The following NCK2 variants were observed in gnomAD, a reference collection of about 807,000 sequenced individuals.
NCK2 encodes NCK adaptor protein 2.
Under a neutral mutation model 33.9 loss-of-function variants are expected in NCK2, and 16 were observed. The ratio of observed to expected loss-of-function variants is 0.47; its 90% CI spans 0.32 to 0.72. NCK2 has a LOEUF of 0.72. NCK2 is among the 30% of genes least tolerant of loss of function. NCK2 has a pLI of 0.03. For missense variants in NCK2, 418 were observed against 537.3 expected (o/e 0.78, Z 2.19); for synonymous variants, 273 against 239.9 (o/e 1.14, Z -1.27).
chr2:105,841,052 C>G (rs780024419), intron 2 of NCK2, among the ~76,000 whole-genome samples: 36 of 152,186 alleles, frequency 2.4e-4, no homozygotes, highest in Non-Finnish European at 4.3e-4. Context: ...GTGTGGATTA[C>G]AAGCTTATCT....
At chr2:105,782,327 T>C (rs1352791856) in intron 1 of NCK2, among the ~76,000 whole-genome samples, 1 of 152,168 alleles carries the variant, frequency 6.6e-6, no homozygotes, top group Non-Finnish European at 1.5e-5. Context: ...CCCATGGGGA[T>C]TAGTGATCTG....
chr2:105,824,609 C>T (rs1000708085), intron 2 of NCK2, among the ~76,000 whole-genome samples: 6 of 152,148 alleles, frequency 3.9e-5, no homozygotes, highest in Middle Eastern at 3.4e-3. Context: ...TTTTCCCAGT[C>T]GTTAAGTACC....
At chr2:105,820,604 A>G (rs1573631472) in intron 2 of NCK2, among the ~76,000 whole-genome samples, 1 of 152,190 alleles carries the variant, frequency 6.6e-6, no homozygotes, top group East Asian at 1.9e-4. Context: ...CGGAGACCAT[A>G]GGAAGAGCCA....
chr2:105,853,119 T>A (rs1030477379), intron 2 of NCK2, among the ~76,000 whole-genome samples: 5 of 152,146 alleles, frequency 3.3e-5, no homozygotes, highest in African/African-American at 1.2e-4. Context: ...AATGAGAACT[T>A]CTCTGTCAGG....
chr2:105,842,940 C>T (rs1183738686), intron 2 of NCK2, among the ~76,000 whole-genome samples: 2 of 152,026 alleles, frequency 1.3e-5, no homozygotes, highest in Non-Finnish European at 2.9e-5. Context: ...GAGGGACAGT[C>T]TAGTGGAGAT....
chr2:105,871,839 C>T (rs1678023727), intron 3 of NCK2, among the ~76,000 whole-genome samples: 1 of 152,080 alleles, frequency 6.6e-6, no homozygotes, highest in African/African-American at 2.4e-5. Context: ...TAAAAAGTTT[C>T]CTGGGTCAAC....
intron 2 of NCK2, among the ~76,000 whole-genome samples, chr2:105,824,502 G>A (rs762113310): frequency 9.9e-5 from 15 of 152,226 alleles, no homozygotes; most frequent in Non-Finnish European, 2.1e-4. Context: ...CCTGGAGTCT[G>A]GGTCTGGTAC....
chr2:105,815,640 T>G (rs935352930), intron 1 of NCK2, among the ~76,000 whole-genome samples: 1 of 152,172 alleles, frequency 6.6e-6, no homozygotes. Context: ...GTCAGGTGCC[T>G]CTCATCTTAA....
intron 4 of NCK2, among the ~76,000 whole-genome samples, chr2:105,889,166 C>T (rs553976867): frequency 1.8e-3 from 279 of 152,328 alleles, no homozygotes; most frequent in Non-Finnish European, 3.0e-3. Flanking sequence ...ACTCCATCTC[C>T]ATCAGATGCA....
At chr2:105,837,168 A>G (rs1676465930) in intron 2 of NCK2, among the ~76,000 whole-genome samples, 2 of 151,844 alleles carry the variant, frequency 1.3e-5, no homozygotes, top group South Asian at 4.2e-4. Context: ...TCCCTTGGAC[A>G]TTTTACTTGC....
At chr2:105,746,217 G>A (rs1229298510) in intron 1 of NCK2, among the ~76,000 whole-genome samples, 1 of 152,214 alleles carries the variant, frequency 6.6e-6, no homozygotes, top group Non-Finnish European at 1.5e-5. Context: ...CTGCATAATG[G>A]GATGAGCAGG....
chr2:105,882,176 A>C (rs1429794288), intron 4 of NCK2, 127 bp downstream of exon 4: 2 of 1,103,722 alleles, frequency 1.8e-6, no homozygotes, highest in Non-Finnish European at 2.3e-6. Flanking sequence ...AGATGAATGC[A>C]ATTTAGTATA....
At chr2:105,873,142 G>T (rs1678082320) in intron 3 of NCK2, among the ~76,000 whole-genome samples, 1 of 152,244 alleles carries the variant, frequency 6.6e-6, no homozygotes, top group South Asian at 2.1e-4. Context: ...GGTGTCAGCT[G>T]AAGCAGCTAG....
intron 1 of NCK2, among the ~76,000 whole-genome samples, chr2:105,780,698 G>A (rs1217768854): frequency 6.6e-6 from 1 of 152,144 alleles, no homozygotes; most frequent in Non-Finnish European, 1.5e-5. Context: ...CCTTTGGGAG[G>A]TGATTAGGTC....
chr2:105,831,344 C>T (rs1489165891), intron 2 of NCK2, among the ~76,000 whole-genome samples: 1 of 150,794 alleles, frequency 6.6e-6, no homozygotes, highest in Non-Finnish European at 1.5e-5. Context: ...GCAAAAAGAA[C>T]AAAGCTGGAG....
chr2:105,788,862 G>A (rs1192185873), intron 1 of NCK2, among the ~76,000 whole-genome samples: 1 of 152,200 alleles, frequency 6.6e-6, no homozygotes, highest in Admixed American at 6.5e-5. Flanking sequence ...TGTTTTGACA[G>A]AGGGTGACTA....
chr2:105,777,535 G>A (rs909383427), intron 1 of NCK2, among the ~76,000 whole-genome samples: 53 of 152,014 alleles, frequency 3.5e-4, no homozygotes, highest in African/African-American at 1.1e-3. Flanking sequence ...ATAATCATGC[G>A]GATTATACCC....
chr2:105,752,571 G>A (rs1448728016), intron 1 of NCK2, among the ~76,000 whole-genome samples: 1 of 152,126 alleles, frequency 6.6e-6, no homozygotes, highest in Non-Finnish European at 1.5e-5. Context: ...CAGTGATGGG[G>A]TACAGGTGTT....
intron 2 of NCK2, among the ~76,000 whole-genome samples, chr2:105,843,746 A>C (rs1402659012): frequency 6.6e-6 from 1 of 152,226 alleles, no homozygotes; most frequent in Non-Finnish European, 1.5e-5. Flanking sequence ...AAATGATGGA[A>C]TACGTTAATT....
Sources: allele counts gnomAD v4.1 joint callset (sites outside exome capture counted in the v4.1 genomes callset), GRCh38; gene constraint gnomAD v4.1.1; transcripts MANE v1.5; gene names NCBI Gene and HGNC (gene_info 2026-07-23, HGNC 2026-07-21).